Variants in FHIT observed in about 807,000 individuals in gnomAD.
The protein encoded by FHIT is bis(5'-adenosyl)-triphosphatase.
A neutral mutation model predicts 17.9 loss-of-function variants in FHIT; 19 were observed. The ratio of observed to expected loss-of-function variants is 1.06; its 90% CI spans 0.74 to 1.56. FHIT has a LOEUF of 1.56. FHIT is among the 40% of genes most tolerant of loss of function. The pLI, the probability that FHIT is intolerant of heterozygous loss-of-function variation, is 0.00. For synonymous variants in FHIT, 81 were observed against 69.7 expected, an observed-to-expected ratio of 1.16 and a Z score of -0.81; for missense variants, 248 against 189.2, an observed-to-expected ratio of 1.31 and a Z score of -1.82.
At chr3:59,909,125 C>T (rs1206512904) in intron 8 of FHIT, among the ~76,000 whole-genome samples, 1 of 151,556 alleles carries the variant, frequency 6.6e-6, no homozygotes, top group Non-Finnish European at 1.5e-5. Context: ...ACTCCACCTG[C>T]CGTGTTCAAA....
chr3:60,455,789 A>G (rs888308331), intron 5 of FHIT, among the ~76,000 whole-genome samples: 1 of 152,142 alleles, frequency 6.6e-6, no homozygotes, highest in Non-Finnish European at 1.5e-5. Flanking sequence ...AATGGAGGAA[A>G]ATTATTTGAA....
At chr3:61,044,099 C>A (rs1268552303) in intron 2 of FHIT, among the ~76,000 whole-genome samples, 1 of 152,076 alleles carries the variant, frequency 6.6e-6, no homozygotes, top group Non-Finnish European at 1.5e-5. Flanking sequence ...CGCAGCTGCT[C>A]GCCAGCAAGG....
chr3:60,781,204 T>C (rs1232960579), intron 4 of FHIT, among the ~76,000 whole-genome samples: 1 of 152,058 alleles, frequency 6.6e-6, no homozygotes, highest in Non-Finnish European at 1.5e-5. Flanking sequence ...AAAATAGTAG[T>C]GTTGCTGACT....
chr3:60,877,482 G>A (rs781866462), intron 3 of FHIT, among the ~76,000 whole-genome samples: 11 of 152,284 alleles, frequency 7.2e-5, no homozygotes, highest in African/African-American at 2.6e-4. Flanking sequence ...GCTTCTCTCC[G>A]CTGCAACTGT....
chr3:60,904,445 G>A (rs1414819579), intron 3 of FHIT, among the ~76,000 whole-genome samples: 1 of 150,638 alleles, frequency 6.6e-6, no homozygotes, highest in Non-Finnish European at 1.5e-5. Flanking sequence ...CTAGATGTGG[G>A]GAAAGCCTTT....
intron 5 of FHIT, among the ~76,000 whole-genome samples, chr3:60,276,746 C>T (rs999961298): frequency 6.6e-6 from 1 of 152,004 alleles, no homozygotes; most frequent in African/African-American, 2.4e-5. Context: ...TGGTGAGGGC[C>T]TTGGGGAGCT....
intron 4 of FHIT, among the ~76,000 whole-genome samples, chr3:60,710,810 C>G (rs1263063795): frequency 6.6e-6 from 1 of 152,204 alleles, no homozygotes; most frequent in African/African-American, 2.4e-5. Flanking sequence ...TCAAGGAGGC[C>G]TGCCTGCCTC....
chr3:61,043,332 C>T (rs987501129), intron 2 of FHIT, among the ~76,000 whole-genome samples: 31 of 151,474 alleles, frequency 2.0e-4, no homozygotes, highest in Admixed American at 4.6e-4. Flanking sequence ...GAGGGTCCCA[C>T]GCCTAGCTCG....
chr3:60,639,997 G>C (rs569583272), intron 4 of FHIT, among the ~76,000 whole-genome samples: 1 of 152,136 alleles, frequency 6.6e-6, no homozygotes, highest in Non-Finnish European at 1.5e-5. Flanking sequence ...TATTCTCCAA[G>C]TCATTATGTT....
intron 5 of FHIT, among the ~76,000 whole-genome samples, chr3:60,032,483 A>G (rs919900923): frequency 2.6e-5 from 4 of 152,074 alleles, no homozygotes; most frequent in African/African-American, 9.7e-5. Flanking sequence ...AAATAAAAAC[A>G]TTATTGGGGG....
At chr3:60,611,949 C>A (rs2038798506) in intron 4 of FHIT, among the ~76,000 whole-genome samples, 1 of 152,148 alleles carries the variant, frequency 6.6e-6, no homozygotes, top group African/African-American at 2.4e-5. Context: ...TTTGCTCCTG[C>A]AGAGGGTCCT....
At chr3:60,793,947 A>T (rs1386532835) in intron 4 of FHIT, among the ~76,000 whole-genome samples, 3 of 152,204 alleles carry the variant, frequency 2.0e-5, no homozygotes, top group Admixed American at 1.3e-4. Flanking sequence ...AGATATGTTG[A>T]AAGGTACCAG....
chr3:60,861,906 C>T (rs1441493829), intron 3 of FHIT, among the ~76,000 whole-genome samples: 4 of 147,654 alleles, frequency 2.7e-5, no homozygotes, highest in Non-Finnish European at 5.9e-5. Context: ...GCTGAGATCG[C>T]GCCACTGCAC....
At chr3:60,273,851 T>C (rs1424971258) in intron 5 of FHIT, among the ~76,000 whole-genome samples, 4 of 152,128 alleles carry the variant, frequency 2.6e-5, no homozygotes, top group African/African-American at 9.7e-5. Flanking sequence ...TTCACAAATA[T>C]TTAAAATCAC....
chr3:60,587,830 C>G (rs1276442285), intron 4 of FHIT, among the ~76,000 whole-genome samples: 1 of 151,990 alleles, frequency 6.6e-6, no homozygotes, highest in Middle Eastern at 3.2e-3. Context: ...GTCTTATTAT[C>G]CTGATTTCAC....
intron 8 of FHIT, among the ~76,000 whole-genome samples, chr3:59,848,404 A>G (rs551243629): frequency 1.8e-4 from 28 of 152,278 alleles, no homozygotes; most frequent in African/African-American, 6.5e-4. Flanking sequence ...ATATTTTAAT[A>G]TACCTATGTT....
At chr3:60,448,290 T>A (rs1045520971) in intron 5 of FHIT, among the ~76,000 whole-genome samples, 4 of 152,140 alleles carry the variant, frequency 2.6e-5, no homozygotes, top group Non-Finnish European at 5.9e-5. Context: ...AACCAATTAA[T>A]TGGTTTTCAT....
intron 4 of FHIT, among the ~76,000 whole-genome samples, chr3:60,573,562 G>C (rs1220574778): frequency 6.6e-6 from 1 of 152,078 alleles, no homozygotes; most frequent in Non-Finnish European, 1.5e-5. Flanking sequence ...TGTCCTTCCT[G>C]AACTGAGAAC....
intron 8 of FHIT, among the ~76,000 whole-genome samples, chr3:59,845,411 T>G (rs1262800125): frequency 6.6e-6 from 1 of 152,132 alleles, no homozygotes; most frequent in Non-Finnish European, 1.5e-5. Flanking sequence ...TAAGTATTTG[T>G]AGCTATAAAA....
Sources: allele counts gnomAD v4.1 joint callset (sites outside exome capture counted in the v4.1 genomes callset), GRCh38; gene constraint gnomAD v4.1.1; transcripts MANE v1.5; gene names NCBI Gene and HGNC (gene_info 2026-07-23, HGNC 2026-07-21).